Variants in KIAA1549L observed in about 807,000 individuals in gnomAD.
The protein encoded by KIAA1549L is UPF0606 protein KIAA1549L.
KIAA1549L carries 88 observed loss-of-function variants against 160.7 expected under a neutral mutation model. That is an observed-to-expected ratio of 0.55 (90% CI 0.46 to 0.65). KIAA1549L has a LOEUF of 0.65. Among genes scored for constraint, KIAA1549L ranks in the 30% least tolerant of loss-of-function variants. KIAA1549L has a pLI of 0.00. For synonymous variants in KIAA1549L, 950 were observed against 976.7 expected (o/e 0.97, Z 0.51); for missense variants, 2,258 against 2,437.5 (o/e 0.93, Z 1.55).
At chr11:33,461,516 G>A (rs1315802515) in intron 1 of KIAA1549L, among the ~76,000 whole-genome samples, 4 of 152,182 alleles carry the variant, frequency 2.6e-5, no homozygotes, top group Non-Finnish European at 2.9e-5. Context: ...GATCTTGCAG[G>A]TGTTGGCTGT....
intron 3 of KIAA1549L, among the ~76,000 whole-genome samples, chr11:33,547,107 G>T (rs1358259741): frequency 2.6e-5 from 4 of 152,224 alleles, no homozygotes; most frequent in African/African-American, 9.6e-5. Flanking sequence ...TTTGCGCTTG[G>T]TACTCCCTCT....
intron 1 of KIAA1549L, among the ~76,000 whole-genome samples, chr11:33,528,704 T>C (rs1853669557): frequency 6.6e-6 from 1 of 152,194 alleles, no homozygotes. Flanking sequence ...CTGGAGACCA[T>C]TATTCTAAGT....
At chr11:33,558,936 C>T (rs1208136522) in intron 6 of KIAA1549L, among the ~76,000 whole-genome samples, 8 of 151,346 alleles carry the variant, frequency 5.3e-5, no homozygotes, top group African/African-American at 1.5e-4. Context: ...TGGGTTCAAG[C>T]GATTCTCCTG....
intron 1 of KIAA1549L, among the ~76,000 whole-genome samples, chr11:33,487,218 A>C (rs1852546671): frequency 6.6e-6 from 1 of 152,048 alleles, no homozygotes; most frequent in Admixed American, 6.6e-5. Context: ...ATTATTAACC[A>C]TCTCTTTTTC....
intron 20 of KIAA1549L, among the ~76,000 whole-genome samples, chr11:33,661,659 C>A (rs529662811): frequency 6.6e-6 from 1 of 152,132 alleles, no homozygotes; most frequent in African/African-American, 2.4e-5. Flanking sequence ...GCGGGCAGGT[C>A]ACCTGACATC....
intron 10 of KIAA1549L, among the ~76,000 whole-genome samples, chr11:33,577,151 C>T (rs139737607): frequency 1.5e-3 from 231 of 152,080 alleles, no homozygotes; most frequent in Middle Eastern, 6.8e-3. Flanking sequence ...GAGAGAACTG[C>T]GTGTCGATTT....
intron 1 of KIAA1549L, among the ~76,000 whole-genome samples, chr11:33,462,359 CT>C (rs1200905157): frequency 2.0e-5 from 3 of 152,126 alleles, no homozygotes; most frequent in Non-Finnish European, 4.4e-5. Flanking sequence ...ATATATTAAC[CT>C]TCTAAATGTT....
chr11:33,565,117 G>A (rs956308969), intron 8 of KIAA1549L, among the ~76,000 whole-genome samples: 1 of 152,126 alleles, frequency 6.6e-6, no homozygotes, highest in African/African-American at 2.4e-5. Flanking sequence ...GTCTGCGCCA[G>A]GTCTGAGCTT....
At position 33,376,859 on chromosome 11, in the gene KIAA1549L, G is replaced by C. The variant is rs1849964032; in HGVS notation, c.208G>C (p.Ala70Pro). ...TLLLGLLLLA[A>P]LLEHGQADPG... ...GCTGCTGGGACTTCTGCTGCTGGCGGCCCTCCTGGAGCACGGCCAGGCCGA... is the reference window on the plus strand; with the variant it reads ...GCTGCTGGGACTTCTGCTGCTGGCGCCCCTCCTGGAGCACGGCCAGGCCGA... The change falls in exon 1 of 21, where the codon GCC (alanine) becomes CCC (proline). Residue 70 changes from alanine to proline, a missense_variant. Ala to Pro is a conservative substitution (Grantham distance 27). Around this residue, in one of 6 missense-constraint regions of KIAA1549L, gnomAD observed 540 missense variants for 465.7 expected, o/e 1.16. Coordinates refer to ENST00000658780, the MANE Select transcript of KIAA1549L (RefSeq NM_012194.3). The surrounding 1 kb of genome is among the most constrained non-coding windows in gnomAD (Gnocchi z 5.8). The C allele has an allele frequency of 6.6e-6, 1 of 152,412 alleles. No individual in the cohort carries two copies. Among genetic ancestry groups the C allele is most frequent in the African/African-American group, 2.4e-5 (1 of 41,440 alleles). 9.4% of individuals were successfully genotyped at this position (152,412 alleles called of 1,614,324 possible).
chr11:33,570,515 T>A (rs1215223821), intron 9 of KIAA1549L, among the ~76,000 whole-genome samples: 2 of 152,118 alleles, frequency 1.3e-5, no homozygotes, highest in East Asian at 3.9e-4. Flanking sequence ...GTCATTCAAC[T>A]TCTACCAGAT....
chr11:33,609,547 G>A (rs532717713), intron 14 of KIAA1549L, among the ~76,000 whole-genome samples: 13 of 152,362 alleles, frequency 8.5e-5, no homozygotes, highest in African/African-American at 3.1e-4. Flanking sequence ...AGGTGATTCA[G>A]GTGAGTGCCA....
intron 8 of KIAA1549L, among the ~76,000 whole-genome samples, chr11:33,567,688 G>A (rs2133232384): frequency 6.6e-6 from 1 of 152,314 alleles, no homozygotes; most frequent in South Asian, 2.1e-4. Context: ...GCTGTGCTGT[G>A]TTCCCATGTG....
At chr11:33,547,529 C>T (rs1590331510) in intron 3 of KIAA1549L, among the ~76,000 whole-genome samples, 1 of 152,168 alleles carries the variant, frequency 6.6e-6, no homozygotes, top group African/African-American at 2.4e-5. Context: ...TGAAACGCCA[C>T]CAGCATACCA....
chr11:33,459,593 A>G (rs1383613417), intron 1 of KIAA1549L, among the ~76,000 whole-genome samples: 1 of 152,158 alleles, frequency 6.6e-6, no homozygotes, highest in African/African-American at 2.4e-5. Flanking sequence ...CCTGGAGGAT[A>G]TGGAAAACTA....
intron 20 of KIAA1549L, among the ~76,000 whole-genome samples, chr11:33,664,037 C>T (rs950732135): frequency 2.0e-5 from 3 of 152,138 alleles, no homozygotes; most frequent in Admixed American, 1.3e-4. Context: ...CTCATGTGGC[C>T]CAAGGACTCA....
chr11:33,641,455 C>A (rs1295064439), intron 16 of KIAA1549L, among the ~76,000 whole-genome samples: 3 of 151,440 alleles, frequency 2.0e-5, no homozygotes, highest in Non-Finnish European at 2.9e-5. Flanking sequence ...TGATGCTTTT[C>A]ATCCTTATAG....
rs1448472720 is a variant in KIAA1549L at position 33,598,861 on chromosome 11, C to T, written c.4793C>T (p.Ser1598Leu). 6.2e-7 allele frequency: 1 copy of T among 1,613,918 alleles called. No homozygotes were observed. Among genetic ancestry groups the T allele is most frequent in the Admixed American group, 1.7e-5 (1 of 60,026 alleles). Residue 1598 changes from serine to leucine, a missense_variant, in exon 13 of 21, where the codon TCA (serine) becomes TTA (leucine). Physicochemically the swap from Ser to Leu is moderately radical, Grantham distance 145. Coordinates refer to ENST00000658780, the MANE Select transcript of KIAA1549L (RefSeq NM_012194.3). ...AATGGCTCTGTCATCAGCAACGAATCAGGGAAGCCCAGCTCAGGGAGACGC... is the reference window on the plus strand; with the variant it reads ...AATGGCTCTGTCATCAGCAACGAATTAGGGAAGCCCAGCTCAGGGAGACGC... ...SENGSVISNESGKPSSGRRSP... is the reference protein window; with the variant it reads ...SENGSVISNELGKPSSGRRSP...
chr11:33,404,785 G>A (rs191205520), intron 1 of KIAA1549L, among the ~76,000 whole-genome samples: 3,020 of 151,812 alleles, frequency 0.02, 66 homozygotes, highest in South Asian at 0.039. Context: ...TGAGGCAGGC[G>A]GATCACCTGA....
chr11:33,387,668 C>G (rs2134042281), intron 1 of KIAA1549L, among the ~76,000 whole-genome samples: 1 of 152,266 alleles, frequency 6.6e-6, no homozygotes, highest in South Asian at 2.1e-4. Context: ...GGGAAAACAG[C>G]CTGGGTGAGG....
Sources: gnomAD v4.1 joint callset for allele counts (sites outside exome capture counted in the v4.1 genomes callset) on GRCh38, gnomAD v4.1.1 for gene constraint, gnomAD v4.1.1 regional missense constraint, Gnocchi (gnomAD v3.1) non-coding constraint, MANE v1.5 for transcripts, NCBI Gene and HGNC (gene_info 2026-07-23, HGNC 2026-07-21) for gene names.